LRRC4C: variants seen among roughly 807,000 people sequenced by gnomAD.
LRRC4C encodes the protein leucine-rich repeat-containing protein 4C.
A neutral mutation model predicts 33.6 loss-of-function variants in LRRC4C; 5 were observed. The ratio of observed to expected loss-of-function variants is 0.15; its 90% CI spans 0.08 to 0.31. LRRC4C has a LOEUF of 0.31. LRRC4C is among the 10% of genes least tolerant of loss of function. The pLI is 1.00. For missense variants in LRRC4C, 560 were observed against 796.7 expected (o/e 0.70, Z 3.58); for synonymous variants, 329 against 302.0 (o/e 1.09, Z -0.93).
intron 1 of LRRC4C, among the ~76,000 whole-genome samples, chr11:41,402,611 C>T (rs554283164): frequency 9.2e-5 from 14 of 152,032 alleles, no homozygotes; most frequent in African/African-American, 3.1e-4. Flanking sequence ...AAAGAGTTAA[C>T]TGTCAATGTA....
At chr11:40,839,045 C>T (rs1015737288) in intron 2 of LRRC4C, among the ~76,000 whole-genome samples, 8 of 152,080 alleles carry the variant, frequency 5.3e-5, no homozygotes, top group African/African-American at 1.9e-4. Flanking sequence ...AGACCATCAA[C>T]TTTGCTATAT....
intron 3 of LRRC4C, among the ~76,000 whole-genome samples, chr11:40,476,346 T>TC (rs201674245): frequency 1.7e-3 from 72 of 42,326 alleles, no homozygotes; most frequent in East Asian, 7.2e-3. Context: ...TTTCTTCTTT[T>TC]TTTTTTTTTT....
chr11:40,831,172 A>G (rs993574350), intron 2 of LRRC4C, among the ~76,000 whole-genome samples: 2 of 152,282 alleles, frequency 1.3e-5, no homozygotes, highest in African/African-American at 4.8e-5. Flanking sequence ...ACTGGGTTCT[A>G]AGAAATTATT....
At chr11:40,435,804 T>C (rs969739071) in intron 3 of LRRC4C, among the ~76,000 whole-genome samples, 1 of 152,176 alleles carries the variant, frequency 6.6e-6, no homozygotes, top group Non-Finnish European at 1.5e-5. Flanking sequence ...TACCAGTTAA[T>C]GCTGGGATCC....
chr11:41,269,099 T>C lies in LRRC4C; in HGVS notation c.-496+190332A>G, dbSNP rs79247738. 4.7e-3 allele frequency among the ~76,000 whole-genome samples: 711 copies of C among 152,226 alleles called. 2 individuals carry two copies. The highest frequency in any genetic ancestry group is 7.8e-3 in the Non-Finnish European group (528 of 68,002). On this transcript the variant is annotated intron_variant, in intron 1 of 6. Transcript: ENST00000528697. Reference sequence around the variant, plus strand: ...ACTGGTAGAGGCTAAAGCCTGATGATATCTTGGAGGCAAAAGATAAAACAA... The same window carrying C: ...ACTGGTAGAGGCTAAAGCCTGATGACATCTTGGAGGCAAAAGATAAAACAA...
At chr11:40,560,568 G>T (rs1418600582) in intron 3 of LRRC4C, among the ~76,000 whole-genome samples, 2 of 151,968 alleles carry the variant, frequency 1.3e-5, no homozygotes, top group Non-Finnish European at 2.9e-5. Flanking sequence ...ATGCAACTGG[G>T]AAACTTACTG....
chr11:41,406,826 T>A (rs1253669019), intron 1 of LRRC4C, among the ~76,000 whole-genome samples: 2 of 151,656 alleles, frequency 1.3e-5, no homozygotes, highest in Admixed American at 6.6e-5. Context: ...TAACACAACG[T>A]CCTTGATTAT....
chr11:41,159,511 A>G (rs1272426003), intron 1 of LRRC4C, among the ~76,000 whole-genome samples: 1 of 152,070 alleles, frequency 6.6e-6, no homozygotes, highest in Non-Finnish European at 1.5e-5. Context: ...TAGCTAAAAG[A>G]AACAATGAGC....
chr11:40,166,695 TA>T (rs762656382), intron 5 of LRRC4C, among the ~76,000 whole-genome samples: 5 of 151,206 alleles, frequency 3.3e-5, no homozygotes, highest in South Asian at 2.1e-4. Context: ...TGCAGCTCTT[TA>T]AAAAAAAATA....
At chr11:40,715,135 G>C (rs1591535464) in intron 2 of LRRC4C, among the ~76,000 whole-genome samples, 1 of 152,200 alleles carries the variant, frequency 6.6e-6, no homozygotes, top group African/African-American at 2.4e-5. Flanking sequence ...AAAATGTAGT[G>C]AAAAGAATGA....
At chr11:41,138,584 T>A (rs1287496337) in intron 1 of LRRC4C, among the ~76,000 whole-genome samples, 1 of 152,212 alleles carries the variant, frequency 6.6e-6, no homozygotes, top group Non-Finnish European at 1.5e-5. Context: ...AGTTTCATAA[T>A]GTCCTGGTAA....
At chr11:41,008,832 G>C (rs1854952738) in intron 1 of LRRC4C, among the ~76,000 whole-genome samples, 2 of 151,992 alleles carry the variant, frequency 1.3e-5, no homozygotes, top group South Asian at 4.1e-4. Context: ...TTAATTGGAG[G>C]CATTAAGATT....
At chr11:41,234,891 G>C (rs1158266216) in intron 1 of LRRC4C, among the ~76,000 whole-genome samples, 1 of 152,002 alleles carries the variant, frequency 6.6e-6, no homozygotes, top group Non-Finnish European at 1.5e-5. Context: ...TCTAACACCA[G>C]AAGCATGGTT....
At chr11:41,020,582 G>A (rs1331466890) in intron 1 of LRRC4C, among the ~76,000 whole-genome samples, 2 of 152,104 alleles carry the variant, frequency 1.3e-5, no homozygotes, top group African/African-American at 2.4e-5. Flanking sequence ...TCAAGGAATG[G>A]CAAGTATTGC....
chr11:40,235,047 A>C (rs1202477637), intron 5 of LRRC4C, among the ~76,000 whole-genome samples: 1 of 152,224 alleles, frequency 6.6e-6, no homozygotes, highest in Non-Finnish European at 1.5e-5. Flanking sequence ...CCCTGATTGC[A>C]GCACTTTTGT....
rs950739502 is a variant in LRRC4C at position 40,798,282 on chromosome 11, C to A, written c.-407+135353G>T. On this transcript the variant is annotated intron_variant, in intron 2 of 6. Transcript: ENST00000528697. ...ATCAAGAAACCTGTGAGACCATATG[C>A]TGTGGGTCAGCCTTTGACCAGTTTT... Among the ~76,000 whole-genome samples the A allele has an allele frequency of 5.5e-4, 84 of 152,312 alleles. 1 individual carries two copies. The highest frequency in any genetic ancestry group is 2.0e-3 in the African/African-American group (83 of 41,566).
At chr11:40,741,753 G>A (rs147804083) in intron 2 of LRRC4C, among the ~76,000 whole-genome samples, 27 of 152,058 alleles carry the variant, frequency 1.8e-4, no homozygotes, top group African/African-American at 6.3e-4. Flanking sequence ...AAATAATAAT[G>A]TATTGTTATT....
chr11:40,706,291 A>G (rs2136534983), intron 2 of LRRC4C, among the ~76,000 whole-genome samples: 1 of 152,256 alleles, frequency 6.6e-6, no homozygotes, highest in African/African-American at 2.4e-5. Context: ...GCCCATGCCT[A>G]TGTCCTGAAT....
At chr11:40,595,458 T>G in intron 3 of LRRC4C, among the ~76,000 whole-genome samples, 1 of 152,032 alleles carries the variant, frequency 6.6e-6, no homozygotes, top group East Asian at 1.9e-4. Context: ...ATTCAGTGTT[T>G]TTCACCTAAA....
Sources: gnomAD v4.1 joint callset for allele counts (sites outside exome capture counted in the v4.1 genomes callset) on GRCh38, gnomAD v4.1.1 for gene constraint, MANE v1.5 for transcripts, NCBI Gene and HGNC (gene_info 2026-07-23, HGNC 2026-07-21) for gene names.